MYO1F: variants seen among roughly 807,000 people sequenced by gnomAD.
MYO1F encodes unconventional myosin-If.
A neutral mutation model predicts 146.6 loss-of-function variants in MYO1F; 60 were observed. The observed-to-expected ratio is 0.41, with a 90% CI of 0.33 to 0.51. The LOEUF is 0.51. Among genes scored for constraint, MYO1F ranks in the 20% least tolerant of loss-of-function variants. The pLI, the probability that MYO1F is intolerant of heterozygous loss-of-function variation, is 0.25. For synonymous variants in MYO1F, 602 were observed against 602.1 expected (o/e 1.00, Z 0.00); for missense variants, 1,274 against 1,534.3 (o/e 0.83, Z 2.83).
At chr19:8,562,045 T>C (rs1358252048) in intron 1 of MYO1F, among the ~76,000 whole-genome samples, 1 of 148,642 alleles carries the variant, frequency 6.7e-6, no homozygotes. Context: ...TTTTCTTTTG[T>C]TTTTTTTGAG....
At chr19:8,544,025 G>A (rs1256106259) in intron 14 of MYO1F, 10 of 541,850 alleles carry the variant, frequency 1.8e-5, no homozygotes, top group Non-Finnish European at 2.6e-5. Flanking sequence ...TGGCGGTGGC[G>A]GTGGCGGTGG....
At chr19:8,562,167 T>C (rs1173262882) in intron 1 of MYO1F, among the ~76,000 whole-genome samples, 1 of 151,876 alleles carries the variant, frequency 6.6e-6, no homozygotes, top group Non-Finnish European at 1.5e-5. Context: ...TTTTTTCTTT[T>C]TTTTTTTGTA....
chr19:8,529,780 CTG>C, intron 21 of MYO1F: 1 of 345,834 alleles, frequency 2.9e-6, no homozygotes, highest in Non-Finnish European at 5.6e-6. Context: ...TGATGGACAG[CTG>C]TGTCTGCTAT....
At position 8,554,552 on chromosome 19, in the gene MYO1F, G is replaced by A. The variant is rs763029152; in HGVS notation, c.251C>T (p.Pro84Leu). The part of the protein sequence containing the change: ...YQGAAQYENP[P>L]HIYALTDNMY... ...GTTGTCCGTGAGGGCGTAGATGTGC[G>A]GGGGATTCTCATACTGGGCCTGGCA... The change falls in exon 4 of 28, where the codon CCG becomes CTG. Residue 84 changes from proline (P) to leucine (L), a missense_variant. Pro to Leu is a moderately conservative substitution (Grantham distance 98, BLOSUM62 -3). This residue lies in a region of MYO1F where 900 missense variants were observed against 1,155.1 expected (regional missense o/e 0.78). Coordinates refer to ENST00000644032, the MANE Select transcript of MYO1F (RefSeq NM_012335.4). 18 of 1,613,430 alleles carry A rather than the reference G, an allele frequency of 1.1e-5. No individual in the cohort carries two copies. The highest frequency in any genetic ancestry group is 1.7e-4 in the Middle Eastern group (1 of 6,050).
intron 9 of MYO1F, 29 bp downstream of exon 9, chr19:8,550,533 A>G (rs981934790): frequency 1.2e-6 from 2 of 1,614,004 alleles, no homozygotes; most frequent in Non-Finnish European, 8.5e-7. Context: ...ACAGGCCTCC[A>G]TCCAGCCCTC....
chr19:8,568,733 C>G (rs1407685760), intron 1 of MYO1F, among the ~76,000 whole-genome samples: 2 of 151,986 alleles, frequency 1.3e-5, no homozygotes, highest in Non-Finnish European at 2.9e-5. Flanking sequence ...CCAGCCTGGC[C>G]AACATGGTGA....
chr19:8,553,865 CTG>C (rs1241435835), intron 4 of MYO1F, among the ~76,000 whole-genome samples: 5 of 140,452 alleles, frequency 3.6e-5, no homozygotes, highest in African/African-American at 1.5e-4. Context: ...GACTGAGACT[CTG>C]TCACACACAC....
intron 14 of MYO1F, among the ~76,000 whole-genome samples, chr19:8,543,768 C>G (rs12462386): frequency 2.9e-3 from 32 of 10,850 alleles, no homozygotes; most frequent in South Asian, 7.2e-3. Flanking sequence ...GGTGGTGGTG[C>G]TGGTGGTGCT....
At position 8,547,105 on chromosome 19, in the gene MYO1F, C is replaced by A. The variant is rs566555142; in HGVS notation, c.1269+931G>T. Reference sequence around the variant, plus strand: ...TTGAGGCCAGGAGTTCAAGACCAATCTGGGCAACAAAGTGAAACACCAACT... The same window carrying A: ...TTGAGGCCAGGAGTTCAAGACCAATATGGGCAACAAAGTGAAACACCAACT... On this transcript the variant is annotated intron_variant, in intron 12 of 27. Coordinates refer to ENST00000644032, the MANE Select transcript of MYO1F (RefSeq NM_012335.4). Among the ~76,000 whole-genome samples, 161 of 151,774 alleles carry A rather than the reference C, an allele frequency of 1.1e-3. 2 individuals carry two copies. Among genetic ancestry groups the A allele is most frequent in the Non-Finnish European group, 2.9e-4 (20 of 67,930 alleles).
Position 8,548,127 on chromosome 19 carries a change from A to G in MYO1F, c.1183-5T>C, listed in dbSNP as rs201472367. On this transcript the variant is annotated splice_region_variant and splice_polypyrimidine_tract_variant and intron_variant, in intron 11 of 27. Coordinates refer to ENST00000644032, the MANE Select transcript of MYO1F (RefSeq NM_012335.4). ...AAACTGCTCGAAGCCATTTTTCTGC[A>G]GAAGGAGGAAAAGGGTCCTTCCCTC... 17 of 1,614,016 alleles carry G rather than the reference A, an allele frequency of 1.1e-5. No homozygotes were observed. The Middle Eastern group carries it at 4.9e-4, about 47-fold the overall frequency.
chr19:8,532,043 G>A (rs376324841), intron 19 of MYO1F, among the ~76,000 whole-genome samples: 1 of 151,998 alleles, frequency 6.6e-6, no homozygotes, highest in Non-Finnish European at 1.5e-5. Context: ...GCTTGAACTC[G>A]GGAGGTGGTG....
At chr19:8,531,992 C>T (rs1034678363) in intron 19 of MYO1F, among the ~76,000 whole-genome samples, 7 of 152,088 alleles carry the variant, frequency 4.6e-5, no homozygotes, top group Non-Finnish European at 1.0e-4. Flanking sequence ...GTGGCGCATG[C>T]CTGTCATCCC....
At chr19:8,545,560 G>A (rs1026334799) in intron 13 of MYO1F, 90 bp downstream of exon 13, 151 of 1,056,638 alleles carry the variant, frequency 1.4e-4, no homozygotes, top group Non-Finnish European at 2.0e-4. Context: ...GCCTGAGGAT[G>A]CCATAACACC....
intron 19 of MYO1F, among the ~76,000 whole-genome samples, chr19:8,534,558 G>A (rs761994355): frequency 1.3e-5 from 2 of 151,624 alleles, no homozygotes; most frequent in African/African-American, 4.8e-5. Flanking sequence ...CCACCACCCT[G>A]GCCTCCCAAA....
chr19:8,544,237 A>T (rs1485705870), intron 14 of MYO1F, 60 bp downstream of exon 14: 1 of 1,579,916 alleles, frequency 6.3e-7, no homozygotes, highest in African/African-American at 1.4e-5. Context: ...TGGGGGCTAC[A>T]GCCTGGAGCC....
At chr19:8,545,457 G>A in intron 13 of MYO1F, 193 bp downstream of exon 13, 1 of 656,026 alleles carries the variant, frequency 1.5e-6, no homozygotes, top group Non-Finnish European at 2.8e-6. Context: ...TAAGTGAAAG[G>A]TGGACAAGTA....
chr19:8,547,776 T>C, intron 12 of MYO1F: 1 of 490,470 alleles, frequency 2.0e-6, no homozygotes, highest in Non-Finnish European at 3.7e-6. Context: ...TGGCTGTGTC[T>C]CCAAGCACCC....
In MYO1F at chr19:8,538,645, G is replaced by A. The variant is rs568499908; in HGVS notation, c.1692+1302C>T. 2.9e-3 allele frequency among the ~76,000 whole-genome samples: 432 copies of A among 150,368 alleles called. 4 individuals carry two copies. The highest frequency in any genetic ancestry group is 0.01 in the African/African-American group (417 of 40,610). ...ACTCTGTTCCCAGGCTAAAGTGCCAGGGTGCAATCATGGTTCACTGCAGCC... is the reference window on the plus strand; with the variant it reads ...ACTCTGTTCCCAGGCTAAAGTGCCAAGGTGCAATCATGGTTCACTGCAGCC... On this transcript the variant is annotated intron_variant, in intron 16 of 27. Transcript: ENST00000644032.
At position 8,552,080 on chromosome 19, in the gene MYO1F, C is replaced by T. The variant is rs754452234; in HGVS notation, c.589G>A (p.Val197Met). The T allele has an allele frequency of 4.3e-6, 7 of 1,613,956 alleles. No homozygotes were observed. The highest frequency in any genetic ancestry group is 2.2e-5 in the East Asian group (1 of 44,886). Residue 197 changes from valine to methionine, a missense_variant, in exon 7 of 28, where the codon GTG becomes ATG. By Grantham distance (21) the Val-to-Met change is conservative (BLOSUM62 1). Around this residue, in one of 2 missense-constraint regions of MYO1F, gnomAD observed 900 missense variants for 1,155.1 expected, o/e 0.78. Coordinates refer to ENST00000644032, the MANE Select transcript of MYO1F (RefSeq NM_012335.4). Reference protein sequence around the residue: ...ISNFLLEKSRVVMQNENERNF... With the variant: ...ISNFLLEKSRMVMQNENERNF... Reference sequence around the variant, plus strand: ...CTCTCATTTTCATTTTGCATGACCACGCGGGACTTCTCCAGCAAGAAGTTG... The same window carrying T: ...CTCTCATTTTCATTTTGCATGACCATGCGGGACTTCTCCAGCAAGAAGTTG...
Sources: gnomAD v4.1 joint callset for allele counts (sites outside exome capture counted in the v4.1 genomes callset) on GRCh38, gnomAD v4.1.1 for gene constraint, gnomAD v4.1.1 regional missense constraint, MANE v1.5 for transcripts, NCBI Gene and HGNC (gene_info 2026-07-23, HGNC 2026-07-21) for gene names.